The following RNF6 variants were observed in gnomAD, a reference collection of about 807,000 sequenced individuals.
RNF6 encodes ring finger protein 6.
RNF6 carries 21 observed loss-of-function variants against 50.1 expected under a neutral mutation model. The observed-to-expected ratio is 0.42, with a 90% CI of 0.30 to 0.60. RNF6 has a LOEUF of 0.60. Among genes scored for constraint, RNF6 ranks in the 20% least tolerant of loss-of-function variants. The probability of loss-of-function intolerance (pLI) is 0.20; values close to 1 mark genes in which losing one functional copy is unlikely to be tolerated. For synonymous variants in RNF6, 255 were observed against 291.8 expected (o/e 0.87, Z 1.29); for missense variants, 698 against 838.2 (o/e 0.83, Z 2.07).
chr13:26,166,157 G>C (rs1872442013), intron 5 of RNF6, among the ~76,000 whole-genome samples: 1 of 152,154 alleles, frequency 6.6e-6, no homozygotes, highest in Admixed American at 6.5e-5. Flanking sequence ...TTATAAAGGG[G>C]AGTTTCCCTG....
intron 5 of RNF6, among the ~76,000 whole-genome samples, chr13:26,186,385 G>A (rs1471349382): frequency 6.6e-6 from 1 of 152,234 alleles, no homozygotes; most frequent in Admixed American, 6.5e-5. Flanking sequence ...AGGCTGTCCC[G>A]CGGCAGGAAC....
chr13:26,204,260 C>CTGAGG (rs1869008985), intron 5 of RNF6, among the ~76,000 whole-genome samples: 1 of 152,042 alleles, frequency 6.6e-6, no homozygotes, highest in African/African-American at 2.4e-5. Context: ...CTTTGGAAGG[C>CTGAGG]CGAGGCGGGT....
Position 26,220,094 on chromosome 13 carries a change from T to C in RNF6, c.-18-427A>G, listed in dbSNP as rs570685236. On this transcript the variant is annotated intron_variant, in intron 2 of 4. Coordinates refer to ENST00000381588, the MANE Select transcript of RNF6 (RefSeq NM_005977.4). Reference sequence around the variant, plus strand: ...TGAGCAAAGGGATACTGGGATGATATAATTTACATTTGTTTTCAGCAAGGT... The same window carrying C: ...TGAGCAAAGGGATACTGGGATGATACAATTTACATTTGTTTTCAGCAAGGT... Among the ~76,000 whole-genome samples, 103 of 152,344 alleles carry C rather than the reference T, an allele frequency of 6.8e-4. No homozygotes were observed. The South Asian group carries it at 0.012, about 18-fold the overall frequency.
At chr13:26,208,848 A>C (rs1394722582), downstream of RNF6, among the ~76,000 whole-genome samples, 2 of 152,244 alleles carry the variant, frequency 1.3e-5, no homozygotes, top group Non-Finnish European at 2.9e-5. Flanking sequence ...ATGAAAGGAC[A>C]AGGGTGACAT....
chr13:26,216,044 G>GTA (rs1869840951), intron 4 of RNF6, among the ~76,000 whole-genome samples: 1 of 152,132 alleles, frequency 6.6e-6, no homozygotes, highest in Non-Finnish European at 1.5e-5. Flanking sequence ...TTGCAACTAG[G>GTA]TATTTCTGTA....
Position 26,215,340 on chromosome 13 carries a change from T to A in RNF6, c.542A>T (p.His181Leu). Residue 181 changes from histidine (H) to leucine (L), a missense_variant, in exon 5 of 5, where the codon CAT becomes CTT. By Grantham distance (99) the His-to-Leu change is moderately conservative. Coordinates refer to ENST00000381588, the MANE Select transcript of RNF6 (RefSeq NM_005977.4). The stretch of plus-strand genomic sequence containing the variant: ...TGACCTTTGTTGCCTATTTGCAGTA[T>A]GATCTCTGTTACTATCTGAAAGTGG... Reference protein sequence around the residue: ...DIPLSDSNRDHTANRQQRSTS... With the variant: ...DIPLSDSNRDLTANRQQRSTS... 6.2e-7 allele frequency: 1 copy of A among 1,614,254 alleles called. No individual in the cohort carries two copies. The highest frequency in any genetic ancestry group is 8.5e-7 in the Non-Finnish European group (1 of 1,180,040).
chr13:26,176,388 C>T (rs929351643), intron 5 of RNF6, among the ~76,000 whole-genome samples: 6 of 152,156 alleles, frequency 3.9e-5, no homozygotes, highest in African/African-American at 1.4e-4. Context: ...CTCCTGAGCT[C>T]AAGCGATCCT....
chr13:26,151,622 T>TTTTA (rs1871601268), intron 5 of RNF6, among the ~76,000 whole-genome samples: 1 of 2,534 alleles, frequency 3.9e-4, no homozygotes, highest in African/African-American at 5.2e-4. Flanking sequence ...TCTTTTTTTC[T>TTTTA]TTTTTTTTTT....
intron 5 of RNF6, among the ~76,000 whole-genome samples, chr13:26,153,434 G>A (rs1432182646): frequency 6.6e-6 from 1 of 151,984 alleles, no homozygotes; most frequent in East Asian, 1.9e-4. Flanking sequence ...GGCTGGTCTT[G>A]AACTCTTGAC....
At chr13:26,208,660 C>T (rs1372903363), downstream of RNF6, among the ~76,000 whole-genome samples, 1 of 152,180 alleles carries the variant, frequency 6.6e-6, no homozygotes, top group Non-Finnish European at 1.5e-5. Flanking sequence ...ATCAGGAACA[C>T]CTAGTCATTC....
downstream of RNF6, among the ~76,000 whole-genome samples, chr13:26,208,964 A>G (rs1342511081): frequency 2.0e-5 from 3 of 152,234 alleles, no homozygotes; most frequent in East Asian, 5.8e-4. Flanking sequence ...CTAAAAAAGA[A>G]CAAACCAACA....
intron 5 of RNF6, among the ~76,000 whole-genome samples, chr13:26,171,709 T>C (rs1387864619): frequency 2.0e-5 from 3 of 152,262 alleles, no homozygotes; most frequent in Non-Finnish European, 2.9e-5. Flanking sequence ...TATGATTCAG[T>C]CTTAAAAAGG....
At chr13:26,186,023 A>T (rs485972) in intron 5 of RNF6, among the ~76,000 whole-genome samples, 97,893 of 152,034 alleles carry the variant, frequency 0.64, 32,204 homozygotes, top group Middle Eastern at 0.72. Context: ...CTACATAAAC[A>T]TAGATATGAA....
intron 5 of RNF6, among the ~76,000 whole-genome samples, chr13:26,160,525 ATCTTCTTCTCT>A (rs1238841449): frequency 8.2e-6 from 1 of 122,538 alleles, no homozygotes; most frequent in South Asian, 2.9e-4. Flanking sequence ...CATCCAGCCT[ATCTTCTTCTCT>A]TCTTCTTCTT....
chr13:26,138,016 C>G (rs1488109447), intron 5 of RNF6, among the ~76,000 whole-genome samples: 2 of 152,080 alleles, frequency 1.3e-5, no homozygotes, highest in Non-Finnish European at 2.9e-5. Context: ...AAATAGGACT[C>G]CAAGTGGTAT....
At chr13:26,205,225 A>G (rs1317321650) in intron 5 of RNF6, among the ~76,000 whole-genome samples, 2 of 152,104 alleles carry the variant, frequency 1.3e-5, no homozygotes, top group African/African-American at 4.8e-5. Context: ...CTTGGAGTAC[A>G]ATAAGTACAT....
At chr13:26,155,586 G>A (rs1229837261) in intron 5 of RNF6, among the ~76,000 whole-genome samples, 1 of 152,186 alleles carries the variant, frequency 6.6e-6, no homozygotes, top group African/African-American at 2.4e-5. Context: ...ATCAAGGGAA[G>A]GCCCGTGTCC....
intron 5 of RNF6, among the ~76,000 whole-genome samples, chr13:26,166,536 C>G (rs1181010724): frequency 6.6e-6 from 1 of 152,186 alleles, no homozygotes; most frequent in African/African-American, 2.4e-5. Flanking sequence ...ATACAAAAAT[C>G]CCTAGCATTC....
At chr13:26,220,283 A>C (rs1566445720) in intron 2 of RNF6, among the ~76,000 whole-genome samples, 1 of 152,188 alleles carries the variant, frequency 6.6e-6, no homozygotes, top group Non-Finnish European at 1.5e-5. Context: ...ACAAGACATC[A>C]TGTATGGCTC....
Sources: allele counts gnomAD v4.1 joint callset (sites outside exome capture counted in the v4.1 genomes callset), GRCh38; gene constraint gnomAD v4.1.1; transcripts MANE v1.5; gene names NCBI Gene and HGNC (gene_info 2026-07-23, HGNC 2026-07-21).